SLC9B2: variants seen among roughly 807,000 people sequenced by gnomAD.
SLC9B2 encodes solute carrier family 9 member B2.
Under a neutral mutation model 52.2 loss-of-function variants are expected in SLC9B2, and 39 were observed. The observed-to-expected ratio is 0.75, with a 90% confidence interval of 0.58 to 0.98. SLC9B2 has a LOEUF of 0.98. SLC9B2 is among the 50% of genes least tolerant of loss of function. The probability of loss-of-function intolerance (pLI) is 0.00; values close to 1 mark genes in which losing one functional copy is unlikely to be tolerated. For synonymous variants in SLC9B2, 214 were observed against 227.0 expected, an observed-to-expected ratio of 0.94 and a Z score of 0.51; for missense variants, 626 against 637.5, an observed-to-expected ratio of 0.98 and a Z score of 0.19.
intron 11 of SLC9B2, among the ~76,000 whole-genome samples, chr4:103,027,732 T>C (rs1417906751): frequency 6.6e-6 from 1 of 152,172 alleles, no homozygotes; most frequent in African/African-American, 2.4e-5. Context: ...GTTTGGCTGG[T>C]CACATTGCTG....
At chr4:103,022,054 G>A (rs993780617), downstream of SLC9B2, among the ~76,000 whole-genome samples, 1 of 152,118 alleles carries the variant, frequency 6.6e-6, no homozygotes, top group Non-Finnish European at 1.5e-5. Flanking sequence ...GTTCTTAAAG[G>A]CAAGTATCAT....
intron 9 of SLC9B2, among the ~76,000 whole-genome samples, chr4:103,034,689 A>G (rs1215523509): frequency 1.3e-5 from 2 of 152,204 alleles, no homozygotes; most frequent in African/African-American, 4.8e-5. Flanking sequence ...GTAGCCAACA[A>G]GCATATAAAA....
intron 4 of SLC9B2, among the ~76,000 whole-genome samples, chr4:103,051,658 G>C (rs959456525): frequency 2.0e-5 from 3 of 152,176 alleles, no homozygotes; most frequent in Non-Finnish European, 4.4e-5. Flanking sequence ...AGTACATACT[G>C]TACCCCAACT....
chr4:103,068,541 T>C (rs1746346358), intron 1 of SLC9B2, among the ~76,000 whole-genome samples: 2 of 152,190 alleles, frequency 1.3e-5, no homozygotes, highest in Admixed American at 1.3e-4. Flanking sequence ...AAGCCCTCTA[T>C]TTAGGATAGT....
intron 1 of SLC9B2, among the ~76,000 whole-genome samples, chr4:103,075,386 GTGATA>G (rs1242071820): frequency 1.3e-5 from 2 of 152,182 alleles, no homozygotes; most frequent in East Asian, 3.9e-4. Context: ...CTGACCTCAG[GTGATA>G]TGCCCACCTC....
chr4:103,033,695 G>A (rs1358611512), intron 9 of SLC9B2, among the ~76,000 whole-genome samples: 1 of 152,042 alleles, frequency 6.6e-6, no homozygotes, highest in African/African-American at 2.4e-5. Context: ...AATCAAGAAC[G>A]TGATCTCATT....
At chr4:103,045,278 G>C (rs890146459) in intron 7 of SLC9B2, among the ~76,000 whole-genome samples, 1 of 152,134 alleles carries the variant, frequency 6.6e-6, no homozygotes, top group Non-Finnish European at 1.5e-5. Flanking sequence ...ACTGTCCTAA[G>C]AAAAATGTAC....
intron 9 of SLC9B2, among the ~76,000 whole-genome samples, chr4:103,036,838 C>T (rs773118710): frequency 6.6e-5 from 10 of 152,010 alleles, no homozygotes; most frequent in Middle Eastern, 3.2e-3. Flanking sequence ...CAGATTTTCT[C>T]ATAACTGAAA....
chr4:103,039,727 A>G (rs1743473110), intron 9 of SLC9B2, among the ~76,000 whole-genome samples: 1 of 147,834 alleles, frequency 6.8e-6, no homozygotes. Context: ...GGCTCACTGC[A>G]ACCTCCGCCT....
downstream of SLC9B2, chr4:103,020,465 A>T (rs1163511967): frequency 2.6e-6 from 1 of 377,620 alleles, no homozygotes; most frequent in Non-Finnish European, 5.2e-6. Flanking sequence ...TTCCTATCTA[A>T]TGTTTCTCCT....
chr4:103,028,744 T>C lies in SLC9B2; in HGVS notation c.1392+3A>G. 1 of 1,607,860 alleles carries C rather than the reference T, an allele frequency of 6.2e-7. No homozygotes were observed. The highest frequency in any genetic ancestry group is 8.5e-7 in the Non-Finnish European group (1 of 1,177,894). ...AAATGCTAAGCCATCCTATCCATCA[T>C]ACCTGAACTGTGGCCTTTGGAAGCC... On this transcript the variant is annotated splice_donor_region_variant and intron_variant, in intron 11 of 11. Coordinates refer to ENST00000394785, the MANE Select transcript of SLC9B2 (RefSeq NM_178833.7).
Position 103,026,358 on chromosome 4 carries a change from C to T in SLC9B2, c.*12G>A. On this transcript the variant is annotated 3_prime_UTR_variant, in exon 12 of 12. Coordinates refer to ENST00000394785, the MANE Select transcript of SLC9B2 (RefSeq NM_178833.7). ...TTCTAAACATTATGTTCAGCACTCT[C>T]TCTTTTCACCTCTAAACTTGCACAG... The T allele has an allele frequency of 6.3e-7, 1 of 1,594,694 alleles. No homozygotes were observed. Among genetic ancestry groups the T allele is most frequent in the Non-Finnish European group, 8.6e-7 (1 of 1,169,100 alleles).
chr4:103,067,962 T>C (rs1746294319), intron 1 of SLC9B2, among the ~76,000 whole-genome samples: 1 of 152,318 alleles, frequency 6.6e-6, no homozygotes, highest in South Asian at 2.1e-4. Context: ...AATGTTGATA[T>C]GAGGAATGAG....
Position 103,066,203 on chromosome 4 carries a change from T to A in SLC9B2, c.271+124A>T, listed in dbSNP as rs898931551. ...CAGAGCCACCCATGTGTGTGAATTG[T>A]TCACCAACTAGTTTTTATGTTTGGG... On this transcript the variant is annotated intron_variant, in intron 3 of 11. Coordinates refer to ENST00000394785, the MANE Select transcript of SLC9B2 (RefSeq NM_178833.7). 5 of 1,147,998 alleles carry A rather than the reference T, an allele frequency of 4.4e-6. No homozygotes were observed. In the African/African-American group the frequency reaches 7.8e-5, roughly 18 times the overall value. The allele number at this position is 1,147,998 out of a possible 1,614,324, so 71.1% of individuals were successfully genotyped here. A position where few individuals can be genotyped will look rare whatever the true frequency, so the allele number is the denominator to read the frequency against.
chr4:103,066,527 A>G lies in SLC9B2; in HGVS notation c.91-20T>C. ...CTCCTCCTGTGTTTAAAGTAATTTT[A>G]AAAATCCTTAAAACTGTATATATTT... is the stretch of plus-strand genomic sequence containing the variant. On this transcript the variant is annotated intron_variant, in intron 2 of 11. Coordinates refer to ENST00000394785, the MANE Select transcript of SLC9B2 (RefSeq NM_178833.7). 3.1e-6 allele frequency: 5 copies of G among 1,598,284 alleles called. No individual in the cohort carries two copies. Among genetic ancestry groups the G allele is most frequent in the Non-Finnish European group, 4.3e-6 (5 of 1,173,428 alleles).
intron 10 of SLC9B2, among the ~76,000 whole-genome samples, chr4:103,029,289 A>G (rs1742492356): frequency 1.3e-5 from 2 of 152,194 alleles, no homozygotes; most frequent in South Asian, 2.1e-4. Flanking sequence ...CTTTGCCTCA[A>G]AGTCAGAGAA....
intron 4 of SLC9B2, among the ~76,000 whole-genome samples, chr4:103,055,963 C>T (rs753579262): frequency 6.6e-6 from 1 of 151,792 alleles, no homozygotes; most frequent in Non-Finnish European, 1.5e-5. Flanking sequence ...GCCACCACGC[C>T]TGACTAATTT....
intron 7 of SLC9B2, among the ~76,000 whole-genome samples, chr4:103,045,568 A>G (rs781112366): frequency 5.3e-5 from 8 of 149,982 alleles, no homozygotes; most frequent in Non-Finnish European, 1.2e-4. Context: ...TGATTCAGTA[A>G]GTCTAGCAGG....
chr4:103,058,374 T>C (rs758154159), intron 3 of SLC9B2, among the ~76,000 whole-genome samples: 8 of 152,228 alleles, frequency 5.3e-5, no homozygotes, highest in Non-Finnish European at 1.0e-4. Context: ...TTTGAAATCA[T>C]CATTCATTAT....
Sources: gnomAD v4.1 joint callset for allele counts (sites outside exome capture counted in the v4.1 genomes callset) on GRCh38, gnomAD v4.1.1 for gene constraint, MANE v1.5 for transcripts, NCBI Gene and HGNC (gene_info 2026-07-23, HGNC 2026-07-21) for gene names.